Variants in NTRK2 observed in about 807,000 individuals in gnomAD.
NTRK2 encodes the protein neurotrophic receptor tyrosine kinase 2.
NTRK2 carries 13 observed loss-of-function variants against 94.5 expected under a neutral mutation model. The observed-to-expected ratio is 0.14, with a 90% CI of 0.09 to 0.22. The LOEUF (loss-of-function observed/expected upper bound fraction) is 0.22, where lower values mean the gene tolerates loss of function less well. Ranked by LOEUF, NTRK2 falls within the 10% of genes least tolerant of loss-of-function variation. NTRK2 has a pLI of 1.00. For synonymous variants in NTRK2, 372 were observed against 407.4 expected (o/e 0.91, Z 1.05); for missense variants, 639 against 1,071.2 (o/e 0.60, Z 5.63).
At chr9:84,785,900 A>G (rs2068067660) in intron 12 of NTRK2, among the ~76,000 whole-genome samples, 1 of 152,172 alleles carries the variant, frequency 6.6e-6, no homozygotes, top group South Asian at 2.1e-4. Context: ...AGGTTCTTTC[A>G]TTCCCAGCCA....
At chr9:85,009,717 C>T (rs1831355423) in intron 17 of NTRK2, among the ~76,000 whole-genome samples, 3 of 152,070 alleles carry the variant, frequency 2.0e-5, no homozygotes, top group Non-Finnish European at 2.9e-5. Flanking sequence ...TCCTTCAAAA[C>T]GAAGATCACA....
At chr9:84,960,555 A>G (rs1824791259) in intron 17 of NTRK2, among the ~76,000 whole-genome samples, 1 of 152,216 alleles carries the variant, frequency 6.6e-6, no homozygotes, top group Non-Finnish European at 1.5e-5. Flanking sequence ...TGATTGACTG[A>G]CTGATTGATT....
chr9:84,956,475 G>A (rs1444831996), intron 17 of NTRK2, among the ~76,000 whole-genome samples: 1 of 152,174 alleles, frequency 6.6e-6, no homozygotes, highest in Non-Finnish European at 1.5e-5. Context: ...AAGATTCGGG[G>A]TGGTGTTCTA....
intron 14 of NTRK2, among the ~76,000 whole-genome samples, chr9:84,917,284 A>G (rs1451988108): frequency 5.9e-5 from 9 of 152,196 alleles, no homozygotes; most frequent in Non-Finnish European, 1.2e-4. Context: ...TTGAATTTCC[A>G]TGAAATAATA....
Position 85,021,489 on chromosome 9 carries a change from G to A in NTRK2, c.*52G>A, listed in dbSNP as rs752954954. The stretch of plus-strand genomic sequence containing the variant: ...CCAACGTACTCCTCAGACGGGCTGA[G>A]AGGATGAACATCTTTTAACTGCCGC... On this transcript the variant is annotated 3_prime_UTR_variant, in exon 19 of 19. Transcript: ENST00000277120. 3 of 1,583,862 alleles carry A rather than the reference G, an allele frequency of 1.9e-6. No homozygotes were observed. Among genetic ancestry groups the A allele is most frequent in the South Asian group, 2.2e-5 (2 of 90,318 alleles).
chr9:85,001,433 T>C lies in NTRK2; in HGVS notation c.2173-18773T>C, dbSNP rs118003908. On this transcript the variant is annotated intron_variant, in intron 17 of 18. Coordinates refer to ENST00000277120, the MANE Select transcript of NTRK2 (RefSeq NM_006180.6). ...ACTGGTCCTCTCAGCTCCACCATCT[T>C]TGTCCGTCCCTTTGTGCTTCCTTTG... Among the ~76,000 whole-genome samples the C allele has an allele frequency of 5.8e-3, 876 of 152,302 alleles. 26 individuals are homozygous for C. The highest frequency in any genetic ancestry group is 0.04 in the East Asian group (207 of 5,174).
Position 84,752,236 on chromosome 9 carries a change from C to A in NTRK2, c.1396+151C>A, listed in dbSNP as rs944493348. On this transcript the variant is annotated intron_variant, in intron 12 of 18. Coordinates refer to ENST00000277120, the MANE Select transcript of NTRK2 (RefSeq NM_006180.6). ...GCAACAAGGCTTTGATACTACAAAT[C>A]AAGACGGAGCAAAATAATGTTGATT... The A allele has an allele frequency of 5.7e-6, 4 of 700,434 alleles. No homozygotes were observed. In the African/African-American group the frequency reaches 7.1e-5, roughly 12 times the overall value. The allele number at this position is 700,434 out of a possible 1,614,324, so 43.4% of individuals were successfully genotyped here. A position where few individuals can be genotyped will look rare whatever the true frequency, so the allele number is the denominator to read the frequency against.
At chr9:84,978,708 A>G (rs1400369565) in intron 17 of NTRK2, among the ~76,000 whole-genome samples, 1 of 152,222 alleles carries the variant, frequency 6.6e-6, no homozygotes, top group African/African-American at 2.4e-5. Flanking sequence ...TGGGCTATGA[A>G]AATAGCTAGA....
chr9:84,912,696 G>C (rs1401363294), intron 14 of NTRK2, among the ~76,000 whole-genome samples: 1 of 141,334 alleles, frequency 7.1e-6, no homozygotes, highest in Non-Finnish European at 1.5e-5. Context: ...TTGGCTCACT[G>C]CAAGCTCTGC....
In NTRK2 at chr9:85,024,686, A is replaced by G; in HGVS notation, c.*3249A>G. The G allele has an allele frequency of 4.3e-6, 1 of 233,154 alleles. No individual in the cohort carries two copies. Among genetic ancestry groups the G allele is most frequent in the Non-Finnish European group, 8.5e-6 (1 of 117,960 alleles). 14.4% of individuals were successfully genotyped at this position (233,154 alleles called of 1,614,324 possible). A position where few individuals can be genotyped will look rare whatever the true frequency, so the allele number is the denominator to read the frequency against. ...TCATGAAGCAGTATATGAAGTTAGA[A>G]GAACAAAAGGAAATACAGGAGATGA... On this transcript the variant is annotated 3_prime_UTR_variant, in exon 19 of 19. Coordinates refer to ENST00000277120, the MANE Select transcript of NTRK2 (RefSeq NM_006180.6).
intron 17 of NTRK2, among the ~76,000 whole-genome samples, chr9:84,990,508 C>T (rs113471117): frequency 7.9e-5 from 12 of 152,284 alleles, no homozygotes; most frequent in African/African-American, 2.4e-4. Context: ...GGATGTTAAG[C>T]GAGCTTCTAG....
chr9:84,715,110 T>C (rs1280111625), intron 6 of NTRK2, among the ~76,000 whole-genome samples: 2 of 152,210 alleles, frequency 1.3e-5, no homozygotes. Flanking sequence ...TGGTGCCTGC[T>C]GTACTCCTTG....
intron 12 of NTRK2, chr9:84,815,632 A>G (rs933067012): frequency 1.0e-6 from 1 of 989,590 alleles, no homozygotes; most frequent in African/African-American, 1.7e-5. Context: ...TGTTTTAACA[A>G]TGTAGATAGA....
At position 84,816,591 on chromosome 9, in the gene NTRK2, C is replaced by T. The variant is rs1447544306; in HGVS notation, c.1397-44449C>T. On this transcript the variant is annotated intron_variant, in intron 12 of 18. Coordinates refer to ENST00000277120, the MANE Select transcript of NTRK2 (RefSeq NM_006180.6). ...GTCGAGAGTTCAAGACCAGCCTGGCCAATGTGGTGAAACCCTGTCTCTACT... is the reference window on the plus strand; with the variant it reads ...GTCGAGAGTTCAAGACCAGCCTGGCTAATGTGGTGAAACCCTGTCTCTACT... Among the ~76,000 whole-genome samples the T allele has an allele frequency of 5.9e-5, 9 of 151,862 alleles. No individual in the cohort carries two copies. In the East Asian group the frequency reaches 1.6e-3, roughly 26 times the overall value.
intron 13 of NTRK2, among the ~76,000 whole-genome samples, chr9:84,864,998 C>T (rs1408995789): frequency 1.3e-5 from 2 of 152,038 alleles, no homozygotes; most frequent in Admixed American, 6.5e-5. Context: ...CTCGGCCTCC[C>T]AAAGTGCTGG....
rs141538774 is a variant in NTRK2, at chr9:84,935,836, T to C, written c.1764+1544T>C. Among the ~76,000 whole-genome samples, 212 of 152,376 alleles carry C rather than the reference T, an allele frequency of 1.4e-3. 2 individuals are homozygous for C. In the East Asian group the frequency reaches 0.019, roughly 14 times the overall value. On this transcript the variant is annotated intron_variant, in intron 15 of 18. Coordinates refer to ENST00000277120, the MANE Select transcript of NTRK2 (RefSeq NM_006180.6). Reference sequence around the variant, plus strand: ...TTGGCAGTGTTAAATCTGCAGTCTCTGTTTTCTTCTTACTGTATCTTTTTT... The same window carrying C: ...TTGGCAGTGTTAAATCTGCAGTCTCCGTTTTCTTCTTACTGTATCTTTTTT...
At chr9:84,808,826 T>C (rs2071418179) in intron 12 of NTRK2, among the ~76,000 whole-genome samples, 1 of 152,238 alleles carries the variant, frequency 6.6e-6, no homozygotes, top group African/African-American at 2.4e-5. Flanking sequence ...TCTTTTAGCA[T>C]TGTTGTAAAT....
intron 14 of NTRK2, among the ~76,000 whole-genome samples, chr9:84,870,819 G>C (rs1445885544): frequency 6.6e-6 from 1 of 152,138 alleles, no homozygotes; most frequent in African/African-American, 2.4e-5. Flanking sequence ...ATCCAACAGA[G>C]ACTTGAGCCA....
intron 15 of NTRK2, among the ~76,000 whole-genome samples, chr9:84,941,967 G>A (rs1365051304): frequency 2.0e-5 from 3 of 152,338 alleles, no homozygotes; most frequent in Non-Finnish European, 2.9e-5. Flanking sequence ...AGCCAGTATG[G>A]CTGAGAAAAT....
Sources: allele counts gnomAD v4.1 joint callset (sites outside exome capture counted in the v4.1 genomes callset), GRCh38; gene constraint gnomAD v4.1.1; transcripts MANE v1.5; gene names NCBI Gene and HGNC (gene_info 2026-07-23, HGNC 2026-07-21).